ZBTB7C: variants seen among roughly 807,000 people sequenced by gnomAD.
ZBTB7C encodes the protein zinc finger and BTB domain-containing protein 7C.
ZBTB7C carries 8 observed loss-of-function variants against 25.7 expected under a neutral mutation model. That is an observed-to-expected ratio of 0.31 (90% CI 0.18 to 0.56). The LOEUF (loss-of-function observed/expected upper bound fraction) is 0.56, where lower values mean the gene tolerates loss of function less well. Among genes scored for constraint, ZBTB7C ranks in the 20% least tolerant of loss-of-function variants. The probability of loss-of-function intolerance (pLI) is 0.91; values close to 1 mark genes in which losing one functional copy is unlikely to be tolerated. For synonymous variants in ZBTB7C, 394 were observed against 369.0 expected (o/e 1.07, Z -0.78); for missense variants, 824 against 855.2 (o/e 0.96, Z 0.46).
chr18:48,249,679 A>G (rs1955008), intron 2 of ZBTB7C, among the ~76,000 whole-genome samples: 8,109 of 152,286 alleles, frequency 0.053, 961 homozygotes, highest in East Asian at 0.46. Flanking sequence ...GTAATTTCTA[A>G]CAGGTTAGAT....
At chr18:48,389,450 A>G (rs931072913) in intron 1 of ZBTB7C, among the ~76,000 whole-genome samples, 1 of 139,890 alleles carries the variant, frequency 7.1e-6, no homozygotes, top group African/African-American at 2.7e-5. Flanking sequence ...CTTTACTTTC[A>G]TGACTCTTGG....
chr18:48,376,060 G>A (rs1484753663), intron 1 of ZBTB7C, among the ~76,000 whole-genome samples: 1 of 152,232 alleles, frequency 6.6e-6, no homozygotes, highest in Non-Finnish European at 1.5e-5. Flanking sequence ...GTTCTGGGGT[G>A]GGACTGGGGA....
intron 1 of ZBTB7C, among the ~76,000 whole-genome samples, chr18:48,367,222 C>CATACAT (rs2047253228): frequency 1.3e-5 from 1 of 79,116 alleles, no homozygotes; most frequent in Non-Finnish European, 3.0e-5. Flanking sequence ...CACACACACA[C>CATACAT]ACACACACAC....
intron 2 of ZBTB7C, among the ~76,000 whole-genome samples, chr18:48,248,591 C>T (rs868592765): frequency 1.3e-5 from 2 of 152,074 alleles, no homozygotes; most frequent in Non-Finnish European, 2.9e-5. Flanking sequence ...TGCTGCCATG[C>T]TTATTAGTTA....
chr18:48,366,995 C>T (rs956665735), intron 1 of ZBTB7C, among the ~76,000 whole-genome samples: 1 of 151,774 alleles, frequency 6.6e-6, no homozygotes, highest in African/African-American at 2.4e-5. Context: ...ACTGCCCCTA[C>T]ACAGGAGTGG....
chr18:48,158,107 T>C (rs978693045), intron 3 of ZBTB7C, among the ~76,000 whole-genome samples: 1 of 151,960 alleles, frequency 6.6e-6, no homozygotes, highest in African/African-American at 2.4e-5. Flanking sequence ...AACAAAATGG[T>C]ATCTGGTCTG....
chr18:48,270,845 T>C (rs2044465398), intron 2 of ZBTB7C, among the ~76,000 whole-genome samples: 1 of 151,626 alleles, frequency 6.6e-6, no homozygotes, highest in Non-Finnish European at 1.5e-5. Flanking sequence ...CCTAGTTCTA[T>C]AGAACACAAA....
intron 1 of ZBTB7C, among the ~76,000 whole-genome samples, chr18:48,340,448 C>T (rs58715946): frequency 1.7e-3 from 263 of 152,332 alleles, no homozygotes; most frequent in African/African-American, 6.2e-3. Flanking sequence ...CTGGCATCAT[C>T]GCTCTTTGTC....
chr18:48,141,151 C>CCCCCCCCCT (rs2040336655), intron 3 of ZBTB7C, among the ~76,000 whole-genome samples: 1 of 145,380 alleles, frequency 6.9e-6, no homozygotes, highest in Non-Finnish European at 1.5e-5. Context: ...GCACCACCCC[C>CCCCCCCCCT]CCCACTGTTC....
At chr18:48,302,989 A>C (rs1208262955) in intron 2 of ZBTB7C, among the ~76,000 whole-genome samples, 1 of 152,206 alleles carries the variant, frequency 6.6e-6, no homozygotes, top group African/African-American at 2.4e-5. Flanking sequence ...GGAGGATGGA[A>C]GCGGCATTGG....
At chr18:48,193,131 TAG>T (rs1382815119) in intron 2 of ZBTB7C, among the ~76,000 whole-genome samples, 2 of 152,148 alleles carry the variant, frequency 1.3e-5, no homozygotes, top group African/African-American at 2.4e-5. Context: ...GCCAAAATGT[TAG>T]AGACTGTGTG....
chr18:48,386,711 C>T (rs769028954), intron 1 of ZBTB7C, among the ~76,000 whole-genome samples: 76 of 152,324 alleles, frequency 5.0e-4, no homozygotes, highest in Non-Finnish European at 7.4e-4. Context: ...TCTGCAAGGA[C>T]GCTCAGTCAA....
intron 3 of ZBTB7C, among the ~76,000 whole-genome samples, chr18:48,178,676 G>A (rs537294672): frequency 4.6e-5 from 7 of 152,136 alleles, no homozygotes; most frequent in Non-Finnish European, 8.8e-5. Flanking sequence ...GATGCCTGTC[G>A]CATCGTCAGA....
chr18:48,354,567 A>G (rs991243120), intron 1 of ZBTB7C, among the ~76,000 whole-genome samples: 3 of 152,156 alleles, frequency 2.0e-5, no homozygotes. Flanking sequence ...AAGGGGCATC[A>G]AGGTAACATC....
intron 3 of ZBTB7C, among the ~76,000 whole-genome samples, chr18:48,174,281 A>C (rs539456799): frequency 6.6e-6 from 1 of 152,370 alleles, no homozygotes; most frequent in African/African-American, 2.4e-5. Flanking sequence ...GCAAATGGAC[A>C]AGATATAAAG....
chr18:48,313,433 G>A (rs1232083261), intron 2 of ZBTB7C, among the ~76,000 whole-genome samples: 1 of 152,160 alleles, frequency 6.6e-6, no homozygotes, highest in East Asian at 1.9e-4. Flanking sequence ...CCGAATTGTG[G>A]GGGTCAGGCA....
chr18:48,391,518 C>G (rs1419462274), intron 1 of ZBTB7C, among the ~76,000 whole-genome samples: 1 of 147,774 alleles, frequency 6.8e-6, no homozygotes, highest in Admixed American at 6.6e-5. Flanking sequence ...TACAGAATAT[C>G]AAACCCTTTA....
intron 3 of ZBTB7C, among the ~76,000 whole-genome samples, chr18:48,108,397 C>T (rs76015440): frequency 0.019 from 2,871 of 152,222 alleles, 61 homozygotes; most frequent in East Asian, 0.097. Flanking sequence ...CAGAACCAAC[C>T]GCCAGACAAA....
intron 3 of ZBTB7C, among the ~76,000 whole-genome samples, chr18:48,099,710 C>T (rs1044867954): frequency 7.9e-5 from 12 of 152,324 alleles, no homozygotes; most frequent in African/African-American, 2.2e-4. Context: ...CAGGCGGTCC[C>T]AGCTGGTTCT....
Sources: gnomAD v4.1 joint callset for allele counts (sites outside exome capture counted in the v4.1 genomes callset) on GRCh38, gnomAD v4.1.1 for gene constraint, MANE v1.5 for transcripts, NCBI Gene and HGNC (gene_info 2026-07-23, HGNC 2026-07-21) for gene names.